The following NKAIN3 variants were observed in gnomAD, a reference collection of about 807,000 sequenced individuals.
The protein encoded by NKAIN3 is sodium/potassium-transporting ATPase subunit beta-1-interacting protein 3.
A neutral mutation model predicts 30.2 loss-of-function variants in NKAIN3; 25 were observed. The observed-to-expected ratio is 0.83, with a 90% CI of 0.60 to 1.16. The LOEUF is 1.16. Among genes scored for constraint, NKAIN3 ranks in the 50% most tolerant of loss-of-function variants. The probability of loss-of-function intolerance (pLI) is 0.00; values close to 1 mark genes in which losing one functional copy is unlikely to be tolerated. For synonymous variants in NKAIN3, 91 were observed against 89.6 expected (o/e 1.02, Z -0.09); for missense variants, 225 against 254.1 (o/e 0.89, Z 0.78).
At chr8:62,661,642 C>CT (rs1338696055) in intron 3 of NKAIN3, among the ~76,000 whole-genome samples, 12 of 152,072 alleles carry the variant, frequency 7.9e-5, no homozygotes, top group African/African-American at 2.9e-4. Context: ...TGGTTGCTGG[C>CT]TATAAGGAAA....
chr8:62,784,336 C>A (rs1478354161), intron 4 of NKAIN3, among the ~76,000 whole-genome samples: 1 of 151,590 alleles, frequency 6.6e-6, no homozygotes, highest in Non-Finnish European at 1.5e-5. Context: ...TCAGTACAAC[C>A]AAAGGTTGCT....
chr8:62,633,695 C>T (rs573950839), intron 3 of NKAIN3, among the ~76,000 whole-genome samples: 29 of 152,276 alleles, frequency 1.9e-4, no homozygotes, highest in African/African-American at 5.3e-4. Context: ...ACAGATGCCA[C>T]GCTGTCTGTC....
intron 3 of NKAIN3, among the ~76,000 whole-genome samples, chr8:62,711,104 T>G (rs1814703587): frequency 6.6e-6 from 1 of 152,162 alleles, no homozygotes; most frequent in Non-Finnish European, 1.5e-5. Flanking sequence ...CCGAGAAATC[T>G]GCAGTTAATC....
At chr8:62,883,457 G>GTTTTTTTTTTT (rs71559381) in intron 4 of NKAIN3, among the ~76,000 whole-genome samples, 10 of 70,228 alleles carry the variant, frequency 1.4e-4, no homozygotes, top group South Asian at 6.2e-4. Context: ...AGTTTTATGG[G>GTTTTTTTTTTT]TTTTTTTTTT....
intron 3 of NKAIN3, 101 bp downstream of exon 3, chr8:62,589,895 G>GTGTA (rs1810599009): frequency 4.0e-6 from 2 of 498,138 alleles, no homozygotes; most frequent in Non-Finnish European, 7.3e-6. Flanking sequence ...GTGTGTGTGT[G>GTGTA]TGTGTGTGTG....
intron 1 of NKAIN3, among the ~76,000 whole-genome samples, chr8:62,372,769 A>C (rs552822048): frequency 3.0e-4 from 46 of 152,242 alleles, no homozygotes; most frequent in Admixed American, 9.8e-4. Context: ...AAGTATTTAC[A>C]AAAGACAACA....
At chr8:62,309,544 A>G (rs1814360169) in intron 1 of NKAIN3, among the ~76,000 whole-genome samples, 1 of 150,456 alleles carries the variant, frequency 6.6e-6, no homozygotes, top group African/African-American at 2.5e-5. Context: ...TATATTTCAA[A>G]GGAAAAATAA....
chr8:62,917,168 G>A (rs4524780), intron 4 of NKAIN3, among the ~76,000 whole-genome samples: 103,176 of 151,888 alleles, frequency 0.68, 35,977 homozygotes, highest in East Asian at 0.9. Context: ...ATCCTGCCCT[G>A]CCAATTCCAC....
chr8:62,900,760 A>C (rs1038619494), intron 4 of NKAIN3, among the ~76,000 whole-genome samples: 1 of 152,212 alleles, frequency 6.6e-6, no homozygotes. Flanking sequence ...ACTGAGGCTC[A>C]GTGAGGTTAA....
At chr8:62,668,344 TC>T (rs1336595846) in intron 3 of NKAIN3, among the ~76,000 whole-genome samples, 2 of 152,208 alleles carry the variant, frequency 1.3e-5, no homozygotes, top group African/African-American at 4.8e-5. Flanking sequence ...ATGGAAAGGA[TC>T]CTTAAAGGCT....
intron 1 of NKAIN3, among the ~76,000 whole-genome samples, chr8:62,494,230 AATG>A (rs1329306470): frequency 6.6e-6 from 1 of 152,242 alleles, no homozygotes; most frequent in East Asian, 1.9e-4. Flanking sequence ...TTTAACATGA[AATG>A]ATGTTGAATT....
chr8:62,814,908 A>T (rs1459154942), intron 4 of NKAIN3, among the ~76,000 whole-genome samples: 2 of 152,146 alleles, frequency 1.3e-5, no homozygotes, highest in Admixed American at 1.3e-4. Flanking sequence ...AAATAGAGAC[A>T]CAAAAACCCT....
At chr8:62,804,735 T>C (rs1209666533) in intron 4 of NKAIN3, among the ~76,000 whole-genome samples, 1 of 152,152 alleles carries the variant, frequency 6.6e-6, no homozygotes, top group Non-Finnish European at 1.5e-5. Flanking sequence ...CTTTGAAAAC[T>C]GGCAAAAGAC....
rs1261270682 is a variant in NKAIN3 at position 62,980,399 on chromosome 8, T to A, written c.*14992T>A. On this transcript the variant is annotated 3_prime_UTR_variant, in exon 7 of 7. Transcript: ENST00000623646. ...AATGTAGTTTTATAAGATAATATAC[T>A]AGGACCATCTATCAGATATGAAACC... 6.6e-6 allele frequency: 1 copy of A among 152,248 alleles called. No individual in the cohort carries two copies. Among genetic ancestry groups the A allele is most frequent in the Admixed American group, 6.5e-5 (1 of 15,286 alleles). The allele number at this position is 152,248 out of a possible 1,614,324, so 9.4% of individuals were successfully genotyped here.
intron 4 of NKAIN3, among the ~76,000 whole-genome samples, chr8:62,748,058 A>G (rs1237472478): frequency 6.6e-6 from 1 of 152,242 alleles, no homozygotes; most frequent in Admixed American, 6.5e-5. Flanking sequence ...ACTACTATGT[A>G]ACAAACCACT....
intron 1 of NKAIN3, chr8:62,344,698 C>T: frequency 4.2e-6 from 1 of 238,194 alleles, no homozygotes; most frequent in South Asian, 5.0e-5. Context: ...TGTTTTTTAT[C>T]CTGCAACCCA....
At chr8:62,277,235 A>G (rs1309898897) in intron 1 of NKAIN3, among the ~76,000 whole-genome samples, 3 of 152,202 alleles carry the variant, frequency 2.0e-5, no homozygotes, top group African/African-American at 7.2e-5. Context: ...AGGAAATTAT[A>G]TAAGTAGGAT....
At position 62,887,473 on chromosome 8, in the gene NKAIN3, T is replaced by C. The variant is rs185230456; in HGVS notation, c.472-30980T>C. 2.0e-5 allele frequency among the ~76,000 whole-genome samples: 3 copies of C among 152,320 alleles called. No homozygotes were observed. The East Asian group carries it at 5.8e-4, about 29-fold the overall frequency. ...TTACTTCTGCTCCTTTCTCTCTTTT[T>C]TCTCCTTCTGCTCTTCTTATTACAC... On this transcript the variant is annotated intron_variant, in intron 4 of 6. Coordinates refer to ENST00000623646, the MANE Select transcript of NKAIN3 (RefSeq NM_001304533.3).
intron 3 of NKAIN3, among the ~76,000 whole-genome samples, chr8:62,643,354 T>C (rs1307928023): frequency 6.6e-6 from 1 of 152,110 alleles, no homozygotes; most frequent in Admixed American, 6.6e-5. Context: ...CAGGCTGGCC[T>C]CCCAAAGGAG....
Sources: gnomAD v4.1 joint callset for allele counts (sites outside exome capture counted in the v4.1 genomes callset) on GRCh38, gnomAD v4.1.1 for gene constraint, MANE v1.5 for transcripts, NCBI Gene and HGNC (gene_info 2026-07-23, HGNC 2026-07-21) for gene names.